Variants in ANKS1B observed in about 807,000 individuals in gnomAD.
ANKS1B encodes the protein ankyrin repeat and sterile alpha motif domain-containing protein 1B.
In ANKS1B, 36 loss-of-function variants were observed where a neutral mutation model predicts 148.3. The ratio of observed to expected loss-of-function variants is 0.24; its 90% CI spans 0.19 to 0.32. ANKS1B has a LOEUF of 0.32. ANKS1B is among the 10% of genes least tolerant of loss of function. The pLI, the probability that ANKS1B is intolerant of heterozygous loss-of-function variation, is 1.00. For synonymous variants in ANKS1B, 542 were observed against 560.8 expected, an observed-to-expected ratio of 0.97 and a Z score of 0.47; for missense variants, 1,157 against 1,542.6, an observed-to-expected ratio of 0.75 and a Z score of 4.19.
intron 8 of ANKS1B, among the ~76,000 whole-genome samples, chr12:99,660,363 C>CTTTTTTTTTTTTTTTTTT (rs71088137): frequency 5.8e-5 from 7 of 120,594 alleles, no homozygotes; most frequent in Admixed American, 9.4e-5. Flanking sequence ...TTTTCTTTTT[C>CTTTTTTTTTTTTTTTTTT]TTTTTTTTTT....
intron 1 of ANKS1B, among the ~76,000 whole-genome samples, chr12:99,831,427 T>C (rs1307248970): frequency 2.6e-5 from 4 of 151,900 alleles, no homozygotes; most frequent in Non-Finnish European, 5.9e-5. Flanking sequence ...ATGTGTTACC[T>C]AGAAATTCTC....
At chr12:99,489,226 A>T (rs1399464252) in intron 10 of ANKS1B, among the ~76,000 whole-genome samples, 2 of 148,858 alleles carry the variant, frequency 1.3e-5, no homozygotes, top group Admixed American at 1.4e-4. Flanking sequence ...TGGGTGATAG[A>T]GCAAGACTCC....
intron 17 of ANKS1B, among the ~76,000 whole-genome samples, chr12:98,871,740 T>C (rs1228441861): frequency 2.0e-5 from 3 of 152,182 alleles, no homozygotes; most frequent in East Asian, 3.8e-4. Context: ...ATCTAGATAA[T>C]GTAGATTGAT....
chr12:98,968,574 G>A (rs970725022), intron 17 of ANKS1B, among the ~76,000 whole-genome samples: 3 of 152,170 alleles, frequency 2.0e-5, no homozygotes, highest in Non-Finnish European at 2.9e-5. Flanking sequence ...AATGAAAAAC[G>A]CACATTGCTC....
At chr12:99,964,450 C>T (rs1255885995) in intron 1 of ANKS1B, among the ~76,000 whole-genome samples, 1 of 152,140 alleles carries the variant, frequency 6.6e-6, no homozygotes, top group Non-Finnish European at 1.5e-5. Context: ...AGTTCCTACA[C>T]TATTAAGTAA....
chr12:99,446,510 A>C (rs554093415), intron 10 of ANKS1B, among the ~76,000 whole-genome samples: 1 of 152,040 alleles, frequency 6.6e-6, no homozygotes, highest in African/African-American at 2.4e-5. Context: ...CACCATCCCT[A>C]TTTTACAGAG....
intron 12 of ANKS1B, among the ~76,000 whole-genome samples, chr12:99,344,638 A>T (rs2090407955): frequency 6.6e-6 from 1 of 152,098 alleles, no homozygotes; most frequent in Admixed American, 6.6e-5. Context: ...CTTTTGGGCA[A>T]CAAATACATG....
chr12:98,818,273 G>A (rs2099158275), intron 19 of ANKS1B, among the ~76,000 whole-genome samples: 1 of 151,528 alleles, frequency 6.6e-6, no homozygotes, highest in Non-Finnish European at 1.5e-5. Context: ...AGAAGTCCTC[G>A]GCTACTAAAG....
At chr12:99,089,009 C>T (rs192272370) in intron 15 of ANKS1B, among the ~76,000 whole-genome samples, 1 of 151,922 alleles carries the variant, frequency 6.6e-6, no homozygotes, top group East Asian at 1.9e-4. Context: ...CCATGCCTGG[C>T]TAACAGGGTT....
intron 1 of ANKS1B, among the ~76,000 whole-genome samples, chr12:99,920,664 C>G (rs2153797474): frequency 6.6e-6 from 1 of 152,142 alleles, no homozygotes; most frequent in Admixed American, 6.5e-5. Flanking sequence ...CAGACCAAAT[C>G]TAAAGGCCTG....
chr12:98,822,238 C>T (rs1021485293), intron 19 of ANKS1B, among the ~76,000 whole-genome samples: 2 of 152,126 alleles, frequency 1.3e-5, no homozygotes, highest in African/African-American at 4.8e-5. Flanking sequence ...GCCACACAAA[C>T]AGCCCTATTT....
intron 9 of ANKS1B, among the ~76,000 whole-genome samples, chr12:99,625,351 G>C (rs1255743004): frequency 6.6e-6 from 1 of 151,928 alleles, no homozygotes; most frequent in African/African-American, 2.4e-5. Context: ...ATATATTCTT[G>C]TAGCAAATCT....
chr12:99,632,892 A>C (rs2098185987), intron 9 of ANKS1B, among the ~76,000 whole-genome samples: 1 of 117,898 alleles, frequency 8.5e-6, no homozygotes, highest in Non-Finnish European at 1.9e-5. Context: ...TATATCTCCT[A>C]ATGCTATCCC....
intron 12 of ANKS1B, among the ~76,000 whole-genome samples, chr12:99,292,673 A>G (rs1046317012): frequency 6.6e-6 from 1 of 152,172 alleles, no homozygotes. Flanking sequence ...AAACTACCCC[A>G]TCAAAAAGTG....
chr12:99,683,524 T>C (rs1037352677), intron 8 of ANKS1B, among the ~76,000 whole-genome samples: 1 of 151,946 alleles, frequency 6.6e-6, no homozygotes. Flanking sequence ...ACCAGAGGAA[T>C]TCACCGCTGA....
At chr12:99,606,293 C>T (rs925526849) in intron 9 of ANKS1B, among the ~76,000 whole-genome samples, 1 of 151,784 alleles carries the variant, frequency 6.6e-6, no homozygotes, top group Non-Finnish European at 1.5e-5. Context: ...AAGCATTTTT[C>T]CTATTTTTTA....
rs150394133 is a variant in ANKS1B at position 98,965,335 on chromosome 12, TG to T, written c.2778+87821del. ...TCTTAATTTGTACCAGATTCATGTT[TG>T]TTGCAAGAATTTACAGAGGCAATGT... is the stretch of plus-strand genomic sequence containing the variant. On this transcript the variant is annotated intron_variant, in intron 17 of 26. Coordinates refer to ENST00000683438, the MANE Select transcript of ANKS1B (RefSeq NM_001352186.2). Among the ~76,000 whole-genome samples, 388 of 152,348 alleles carry T rather than the reference TG, an allele frequency of 2.5e-3. 10 individuals carry two copies. In the East Asian group the frequency reaches 0.045, roughly 17 times the overall value.
chr12:98,808,420 A>G (rs1474375099), intron 19 of ANKS1B, among the ~76,000 whole-genome samples: 1 of 152,218 alleles, frequency 6.6e-6, no homozygotes, highest in Non-Finnish European at 1.5e-5. Context: ...TTATGCCTCC[A>G]GAGTTCTTAC....
At chr12:99,053,843 C>T (rs2099967799) in intron 16 of ANKS1B, among the ~76,000 whole-genome samples, 1 of 152,090 alleles carries the variant, frequency 6.6e-6, no homozygotes, top group Admixed American at 6.5e-5. Context: ...AAGGAGAGGC[C>T]TTTGGGTATT....
Sources: gnomAD v4.1 joint callset for allele counts (sites outside exome capture counted in the v4.1 genomes callset) on GRCh38, gnomAD v4.1.1 for gene constraint, MANE v1.5 for transcripts, NCBI Gene and HGNC (gene_info 2026-07-23, HGNC 2026-07-21) for gene names.